Variants in ERBB4 observed in about 807,000 individuals in gnomAD.
ERBB4 encodes the protein erb-b2 receptor tyrosine kinase 4.
Under a neutral mutation model 158.0 loss-of-function variants are expected in ERBB4, and 42 were observed. The ratio of observed to expected loss-of-function variants is 0.27; its 90% CI spans 0.21 to 0.34. The LOEUF is 0.34. Ranked by LOEUF, ERBB4 falls within the 10% of genes least tolerant of loss-of-function variation. The pLI is 1.00. For missense variants in ERBB4, 1,333 were observed against 1,624.1 expected, an observed-to-expected ratio of 0.82 and a Z score of 3.08; for synonymous variants, 583 against 558.7, an observed-to-expected ratio of 1.04 and a Z score of -0.61.
intron 20 of ERBB4, among the ~76,000 whole-genome samples, chr2:211,460,544 T>C (rs2064503859): frequency 6.6e-6 from 1 of 152,192 alleles, no homozygotes; most frequent in South Asian, 2.1e-4. Context: ...ACCAGGTTAA[T>C]GCAGTTTCCA....
At chr2:211,908,377 A>T (rs2079452659) in intron 3 of ERBB4, among the ~76,000 whole-genome samples, 1 of 151,802 alleles carries the variant, frequency 6.6e-6, no homozygotes, top group African/African-American at 2.4e-5. Context: ...GGACCCTAGG[A>T]TGAAGAACAA....
At chr2:212,475,433 T>C (rs891310051) in intron 1 of ERBB4, among the ~76,000 whole-genome samples, 4 of 152,212 alleles carry the variant, frequency 2.6e-5, no homozygotes, top group Non-Finnish European at 5.9e-5. Context: ...TCCCTATCTT[T>C]GTGTTCATTT....
intron 1 of ERBB4, among the ~76,000 whole-genome samples, chr2:212,343,967 T>C (rs906705516): frequency 6.6e-6 from 1 of 152,180 alleles, no homozygotes; most frequent in Non-Finnish European, 1.5e-5. Flanking sequence ...TCCATTTGTA[T>C]ATAATTGCTT....
chr2:211,623,770 C>A, intron 18 of ERBB4, 152 bp downstream of exon 18: 1 of 728,694 alleles, frequency 1.4e-6, no homozygotes, highest in Non-Finnish European at 2.2e-6. Context: ...TTAATGAATT[C>A]ATTTGTGCAG....
chr2:212,289,888 T>C (rs1464558972), intron 1 of ERBB4, among the ~76,000 whole-genome samples: 1 of 152,204 alleles, frequency 6.6e-6, no homozygotes, highest in East Asian at 1.9e-4. Flanking sequence ...TTCTCTATAG[T>C]ACAGCTTTTA....
chr2:211,750,177 A>G (rs1047277698), intron 5 of ERBB4, among the ~76,000 whole-genome samples: 11 of 152,316 alleles, frequency 7.2e-5, no homozygotes, highest in African/African-American at 2.4e-4. Context: ...TAATTCATAA[A>G]GTTTTTATCC....
At chr2:212,010,413 G>T (rs2076357611) in intron 2 of ERBB4, among the ~76,000 whole-genome samples, 1 of 152,010 alleles carries the variant, frequency 6.6e-6, no homozygotes. Flanking sequence ...AATCAAAACA[G>T]CAAGTTTTCT....
chr2:212,529,158 C>T (rs567712880), intron 1 of ERBB4, among the ~76,000 whole-genome samples: 1 of 152,254 alleles, frequency 6.6e-6, no homozygotes, highest in South Asian at 2.1e-4. Context: ...ATTTCCTCTT[C>T]AGTTCCTAAC....
chr2:211,614,866 T>C (rs1347580999), intron 19 of ERBB4, among the ~76,000 whole-genome samples: 1 of 152,094 alleles, frequency 6.6e-6, no homozygotes, highest in Admixed American at 6.6e-5. Flanking sequence ...CTTCAGAAAA[T>C]AGGATAACAG....
chr2:211,407,328 G>A lies in ERBB4; in HGVS notation c.3135+13113C>T, dbSNP rs184806914. 4.4e-3 allele frequency among the ~76,000 whole-genome samples: 662 copies of A among 152,064 alleles called. 10 individuals carry two copies. Among genetic ancestry groups the A allele is most frequent in the African/African-American group, 0.015 (640 of 41,484 alleles). ...CTCTCTAACACATAACTACAATACC[G>A]GACTCTAACTAAGAAGAGACTGTAG... On this transcript the variant is annotated intron_variant, in intron 25 of 27. Transcript: ENST00000342788.
intron 1 of ERBB4, among the ~76,000 whole-genome samples, chr2:212,242,251 CAT>C (rs889983622): frequency 1.4e-4 from 22 of 151,830 alleles, no homozygotes; most frequent in African/African-American, 5.3e-4. Context: ...ATTTAAAAGA[CAT>C]AGAATATTTT....
intron 1 of ERBB4, among the ~76,000 whole-genome samples, chr2:212,211,617 T>TG (rs1553598075): frequency 2.1e-5 from 2 of 95,116 alleles, no homozygotes; most frequent in East Asian, 1.1e-3. Context: ...AAAATTTATC[T>TG]AAAAAAAAAA....
rs554633003 is a variant in ERBB4, at chr2:212,144,016, CT to C, written c.83-19114del. ...CCTGGGCGACAGAGTGAGACTTCAT[CT>C]CAAAAAAAAAAAAAGAAGAAACTTA... is the stretch of plus-strand genomic sequence containing the variant. On this transcript the variant is annotated intron_variant, in intron 1 of 27. Coordinates refer to ENST00000342788, the MANE Select transcript of ERBB4 (RefSeq NM_005235.3). Among the ~76,000 whole-genome samples, 993 of 142,734 alleles carry C rather than the reference CT, an allele frequency of 7.0e-3. 7 individuals are homozygous for C. The highest frequency in any genetic ancestry group is 0.024 in the Middle Eastern group (7 of 292). The allele number at this position is 142,734 out of a possible 152,430, so 93.6% of individuals were successfully genotyped here.
At chr2:211,871,345 T>C (rs1457315390) in intron 3 of ERBB4, among the ~76,000 whole-genome samples, 2 of 152,118 alleles carry the variant, frequency 1.3e-5, no homozygotes, top group East Asian at 3.9e-4. Flanking sequence ...AATAAATAAA[T>C]AAATACAATT....
At chr2:211,885,369 AT>A (rs1388234199) in intron 3 of ERBB4, among the ~76,000 whole-genome samples, 2 of 152,204 alleles carry the variant, frequency 1.3e-5, no homozygotes, top group Non-Finnish European at 2.9e-5. Context: ...AAGAAAATAT[AT>A]TTTGAAATTG....
intron 1 of ERBB4, among the ~76,000 whole-genome samples, chr2:212,304,474 A>G (rs1213707314): frequency 1.1e-5 from 1 of 94,904 alleles, no homozygotes; most frequent in East Asian, 6.7e-4. Context: ...TAAAGAACAC[A>G]TATTTTTTTT....
chr2:212,329,640 A>T (rs1006587157), intron 1 of ERBB4, among the ~76,000 whole-genome samples: 2 of 152,042 alleles, frequency 1.3e-5, no homozygotes, highest in African/African-American at 4.8e-5. Context: ...CAGGTGTAGG[A>T]TATGTCTTAA....
chr2:211,607,169 G>T (rs1485794354), intron 19 of ERBB4, among the ~76,000 whole-genome samples: 1 of 151,986 alleles, frequency 6.6e-6, no homozygotes, highest in Non-Finnish European at 1.5e-5. Flanking sequence ...AAAATAACTG[G>T]CTCCCTTGGC....
At chr2:212,432,632 T>C (rs1275402920) in intron 1 of ERBB4, among the ~76,000 whole-genome samples, 1 of 152,166 alleles carries the variant, frequency 6.6e-6, no homozygotes, top group African/African-American at 2.4e-5. Context: ...AGCAGTTATA[T>C]TAGCTCACTG....
Sources: allele counts gnomAD v4.1 joint callset (sites outside exome capture counted in the v4.1 genomes callset), GRCh38; gene constraint gnomAD v4.1.1; transcripts MANE v1.5; gene names NCBI Gene and HGNC (gene_info 2026-07-23, HGNC 2026-07-21).